CNBD1: variants seen among roughly 807,000 people sequenced by gnomAD.
CNBD1 encodes cyclic nucleotide binding domain containing 1.
CNBD1 carries 71 observed loss-of-function variants against 54.4 expected under a neutral mutation model. The ratio of observed to expected loss-of-function variants is 1.30; its 90% CI spans 1.08 to 1.59. The LOEUF (loss-of-function observed/expected upper bound fraction) is 1.59. Among genes scored for constraint, CNBD1 ranks in the 40% most tolerant of loss-of-function variants. CNBD1 has a pLI of 0.00. For missense variants in CNBD1, 659 were observed against 518.0 expected, an observed-to-expected ratio of 1.27 and a Z score of -2.64; for synonymous variants, 182 against 170.7, an observed-to-expected ratio of 1.07 and a Z score of -0.51.
At chr8:87,229,965 G>T (rs936439421) in intron 5 of CNBD1, among the ~76,000 whole-genome samples, 2 of 152,110 alleles carry the variant, frequency 1.3e-5, no homozygotes, top group Admixed American at 6.5e-5. Flanking sequence ...AATTTATAAA[G>T]AAAAGAGTTT....
At chr8:87,249,066 G>A (rs1480446468) in intron 6 of CNBD1, among the ~76,000 whole-genome samples, 1 of 152,128 alleles carries the variant, frequency 6.6e-6, no homozygotes, top group Non-Finnish European at 1.5e-5. Flanking sequence ...GAGTCTGCAA[G>A]CAATTGATTT....
At chr8:87,368,636 C>A (rs1586052632) in intron 10 of CNBD1, among the ~76,000 whole-genome samples, 1 of 151,584 alleles carries the variant, frequency 6.6e-6, no homozygotes, top group African/African-American at 2.4e-5. Flanking sequence ...AAACCTATCT[C>A]AAAAAGAGAG....
At chr8:87,039,574 G>C (rs929041136) in intron 4 of CNBD1, among the ~76,000 whole-genome samples, 11 of 152,088 alleles carry the variant, frequency 7.2e-5, no homozygotes, top group African/African-American at 1.9e-4. Context: ...TGTATGTGTA[G>C]CCACCCAACA....
intron 5 of CNBD1, among the ~76,000 whole-genome samples, chr8:87,224,950 G>A (rs1237869237): frequency 1.3e-5 from 2 of 152,184 alleles, no homozygotes; most frequent in South Asian, 2.1e-4. Context: ...CCTTGAAGAG[G>A]TCCTTCACAT....
intron 4 of CNBD1, among the ~76,000 whole-genome samples, chr8:86,998,656 A>G (rs189914595): frequency 1.2e-4 from 19 of 152,332 alleles, no homozygotes; most frequent in African/African-American, 4.6e-4. Flanking sequence ...CAGAATCTGA[A>G]AATAATGAGG....
At chr8:87,052,986 G>A (rs1475613915) in intron 4 of CNBD1, among the ~76,000 whole-genome samples, 2 of 150,770 alleles carry the variant, frequency 1.3e-5, no homozygotes, top group Non-Finnish European at 3.0e-5. Flanking sequence ...GGATGGTGCT[G>A]GAATGGCCGA....
At chr8:87,326,129 A>G (rs1221216901) in intron 8 of CNBD1, among the ~76,000 whole-genome samples, 44 of 130,026 alleles carry the variant, frequency 3.4e-4, no homozygotes, top group African/African-American at 1.1e-3. Context: ...TTGAATATTG[A>G]CCCCCACTCT....
chr8:86,972,499 C>T (rs1021379899), intron 4 of CNBD1, among the ~76,000 whole-genome samples: 4 of 152,258 alleles, frequency 2.6e-5, no homozygotes, highest in Non-Finnish European at 4.4e-5. Flanking sequence ...TGAGTCTCTT[C>T]ATTTTTAAAA....
At chr8:87,387,440 G>A (rs1028078829), downstream of CNBD1, among the ~76,000 whole-genome samples, 2 of 152,010 alleles carry the variant, frequency 1.3e-5, no homozygotes, top group African/African-American at 2.4e-5. Context: ...AACAAAAAAA[G>A]GCAGGGGTTG....
chr8:87,369,033 A>G lies in CNBD1; in HGVS notation c.1304-13587A>G, dbSNP rs117240406. 5.6e-3 allele frequency among the ~76,000 whole-genome samples: 851 copies of G among 152,086 alleles called. 5 individuals are homozygous for G. Among genetic ancestry groups the G allele is most frequent in the South Asian group, 9.7e-3 (47 of 4,828 alleles). On this transcript the variant is annotated intron_variant, in intron 10 of 10. Coordinates refer to ENST00000518476, the MANE Select transcript of CNBD1 (RefSeq NM_173538.3). ...CTCCAGGATCCATATTACAACAACTATACTTTACTAACAGTTTAACTGATA... is the reference window on the plus strand; with the variant it reads ...CTCCAGGATCCATATTACAACAACTGTACTTTACTAACAGTTTAACTGATA...
intron 5 of CNBD1, among the ~76,000 whole-genome samples, chr8:87,211,603 A>G (rs1404995958): frequency 6.6e-6 from 1 of 152,158 alleles, no homozygotes; most frequent in African/African-American, 2.4e-5. Flanking sequence ...TTAAATGTGT[A>G]TGGCACCTCC....
intron 4 of CNBD1, among the ~76,000 whole-genome samples, chr8:86,983,246 C>A (rs1229588270): frequency 6.6e-6 from 1 of 152,182 alleles, no homozygotes; most frequent in Non-Finnish European, 1.5e-5. Flanking sequence ...CACAATCTCT[C>A]TTCTCTTGTC....
intron 8 of CNBD1, among the ~76,000 whole-genome samples, chr8:87,294,461 C>G (rs1808839031): frequency 6.6e-6 from 1 of 152,118 alleles, no homozygotes; most frequent in Non-Finnish European, 1.5e-5. Context: ...GACCTGTGCT[C>G]TCACCCACCA....
rs573241202 is a variant in CNBD1 at position 87,235,098 on chromosome 8, C to G, written c.578-1821C>G. On this transcript the variant is annotated intron_variant, in intron 5 of 10. Coordinates refer to ENST00000518476, the MANE Select transcript of CNBD1 (RefSeq NM_173538.3). The stretch of plus-strand genomic sequence containing the variant: ...AGCTTTTCATCTGGAGCTTCCTCAC[C>G]CTCTCTTAACTTTCATGAAATTGAA... Among the ~76,000 whole-genome samples the G allele has an allele frequency of 2.6e-5, 4 of 152,244 alleles. 1 individual carries two copies. The highest frequency in any genetic ancestry group is 9.6e-5 in the African/African-American group (4 of 41,550).
At chr8:86,903,604 T>G (rs1055758950) in intron 2 of CNBD1, among the ~76,000 whole-genome samples, 4 of 151,974 alleles carry the variant, frequency 2.6e-5, no homozygotes, top group African/African-American at 9.7e-5. Context: ...GGTTTTGGAG[T>G]CAATTTAGTT....
At chr8:87,403,310 C>A (rs1807599600) in intron 2 of CNBD1, among the ~76,000 whole-genome samples, 1 of 151,980 alleles carries the variant, frequency 6.6e-6, no homozygotes, top group Admixed American at 6.6e-5. Flanking sequence ...CAGCATCAAG[C>A]ACTATAGGGA....
intron 2 of CNBD1, among the ~76,000 whole-genome samples, chr8:87,411,958 T>G (rs1807753863): frequency 6.6e-6 from 1 of 151,986 alleles, no homozygotes; most frequent in South Asian, 2.1e-4. Context: ...TGACATAGCT[T>G]TTTTTGTTTT....
intron 3 of CNBD1, among the ~76,000 whole-genome samples, chr8:86,937,185 C>T (rs1393543000): frequency 6.6e-6 from 1 of 152,114 alleles, no homozygotes; most frequent in Non-Finnish European, 1.5e-5. Flanking sequence ...AAAGACAGAA[C>T]TTGTGTAGGA....
chr8:87,286,378 A>G (rs920040312), intron 7 of CNBD1, among the ~76,000 whole-genome samples, 161 bp from the exon 8 acceptor site: 1 of 152,168 alleles, frequency 6.6e-6, no homozygotes, highest in Non-Finnish European at 1.5e-5. Flanking sequence ...TAATATGTCT[A>G]TGTGGCCATA....
Sources: allele counts gnomAD v4.1 joint callset (sites outside exome capture counted in the v4.1 genomes callset), GRCh38; gene constraint gnomAD v4.1.1; transcripts MANE v1.5; gene names NCBI Gene and HGNC (gene_info 2026-07-23, HGNC 2026-07-21).